The following USP34 variants were observed in gnomAD, a reference collection of about 807,000 sequenced individuals.
The protein encoded by USP34 is ubiquitin carboxyl-terminal hydrolase 34.
USP34 carries 70 observed loss-of-function variants against 460.3 expected under a neutral mutation model. That is an observed-to-expected ratio of 0.15 (90% CI 0.13 to 0.19). The LOEUF (loss-of-function observed/expected upper bound fraction) is 0.19. Among genes scored for constraint, USP34 ranks in the 10% least tolerant of loss-of-function variants. USP34 has a pLI of 1.00. For missense variants in USP34, 3,985 were observed against 4,236.2 expected (o/e 0.94, Z 1.65); for synonymous variants, 1,647 against 1,405.3 (o/e 1.17, Z -3.85).
At chr2:61,196,090 T>C (rs1343764678) in intron 75 of USP34, among the ~76,000 whole-genome samples, 2 of 130,538 alleles carry the variant, frequency 1.5e-5, no homozygotes, top group African/African-American at 5.9e-5. Flanking sequence ...TTTTTTTTTT[T>C]TTTTTTTTGA....
chr2:61,337,374 G>C (rs1477434423), intron 18 of USP34, among the ~76,000 whole-genome samples: 1 of 150,376 alleles, frequency 6.6e-6, no homozygotes, highest in African/African-American at 2.4e-5. Context: ...GTATTTCAAT[G>C]AATAGTCCAC....
intron 25 of USP34, 32 bp downstream of exon 25, chr2:61,314,553 T>C: frequency 7.2e-7 from 1 of 1,397,836 alleles, no homozygotes; most frequent in Non-Finnish European, 9.3e-7. Context: ...AAAATGAAAT[T>C]CATTCTAACA....
chr2:61,407,833 G>A (rs1693922700), intron 2 of USP34, among the ~76,000 whole-genome samples: 1 of 152,142 alleles, frequency 6.6e-6, no homozygotes, highest in African/African-American at 2.4e-5. Context: ...CCAGCACTGA[G>A]GCTGGGTGTG....
chr2:61,385,997 C>CAAAAA (rs58518474), intron 5 of USP34, among the ~76,000 whole-genome samples: 1 of 99,448 alleles, frequency 1.0e-5, no homozygotes. Context: ...ACTCTGTCTC[C>CAAAAA]AAAAAAAAAA....
At chr2:61,395,298 C>A in intron 3 of USP34, 65 bp from the exon 4 acceptor site, 1 of 963,208 alleles carries the variant, frequency 1.0e-6, no homozygotes. Flanking sequence ...AAATACAATT[C>A]TATAAAAGAC....
intron 1 of USP34, among the ~76,000 whole-genome samples, chr2:61,445,864 C>G (rs536581269): frequency 1.3e-5 from 2 of 151,784 alleles, no homozygotes; most frequent in Non-Finnish European, 2.9e-5. Flanking sequence ...AGAAGTATCG[C>G]TTGAACCTGA....
At chr2:61,303,414 T>C in intron 27 of USP34, among the ~76,000 whole-genome samples, 1 of 152,072 alleles carries the variant, frequency 6.6e-6, no homozygotes, top group East Asian at 1.9e-4. Context: ...TGATTTAGTG[T>C]CCTATTCATC....
intron 72 of USP34, among the ~76,000 whole-genome samples, chr2:61,205,500 G>A (rs555805630): frequency 6.6e-6 from 1 of 152,056 alleles, no homozygotes; most frequent in African/African-American, 2.4e-5. Context: ...ACGGTCTCTC[G>A]AGAAGTTTCT....
intron 18 of USP34, among the ~76,000 whole-genome samples, chr2:61,338,108 G>A (rs1200219455): frequency 1.3e-5 from 2 of 152,194 alleles, no homozygotes; most frequent in East Asian, 3.9e-4. Flanking sequence ...GATCACCTGA[G>A]GTGAGGAGTT....
chr2:61,188,363 G>T lies in USP34; in HGVS notation c.10380C>A (p.Thr3460=), dbSNP rs183972127. The stretch of plus-strand genomic sequence containing the variant: ...GGAACTCAGATTCTTCCTCAGCTAG[G>T]GTAGAATCCTTGGAACAGTGGAGGT... ...FKDLHCSKDS[T]LAEEESEFPS... The change falls in exon 80 of 80, where the codon ACC becomes ACA. Residue 3460 remains threonine (T), a synonymous_variant. Transcript: ENST00000398571. 1.8e-4 allele frequency: 298 copies of T among 1,613,776 alleles called. 1 individual carries two copies. Among genetic ancestry groups the T allele is most frequent in the Non-Finnish European group, 1.4e-4 (170 of 1,180,016 alleles).
intron 43 of USP34, among the ~76,000 whole-genome samples, chr2:61,262,116 AATATAT>A (rs70963406): frequency 1.1e-4 from 5 of 47,406 alleles, no homozygotes; most frequent in Admixed American, 5.8e-4. Flanking sequence ...AAAAAAAAAA[AATATAT>A]ATATATATAT....
At chr2:61,457,707 G>A (rs1695478861) in intron 1 of USP34, among the ~76,000 whole-genome samples, 1 of 152,016 alleles carries the variant, frequency 6.6e-6, no homozygotes, top group East Asian at 1.9e-4. Context: ...AAATAAATAA[G>A]CAAGCAAGTT....
At chr2:61,310,104 C>A (rs1483088077) in intron 27 of USP34, among the ~76,000 whole-genome samples, 1 of 152,174 alleles carries the variant, frequency 6.6e-6, no homozygotes, top group East Asian at 1.9e-4. Flanking sequence ...TTGGGTAGGA[C>A]ACAATACTAG....
intron 1 of USP34, among the ~76,000 whole-genome samples, chr2:61,466,361 G>A (rs1695762448): frequency 6.6e-6 from 1 of 151,814 alleles, no homozygotes; most frequent in South Asian, 2.1e-4. Flanking sequence ...GGAAGCGGAG[G>A]CTGTAGTGAC....
At chr2:61,247,371 G>C (rs1199215809) in intron 49 of USP34, among the ~76,000 whole-genome samples, 3 of 152,200 alleles carry the variant, frequency 2.0e-5, no homozygotes, top group African/African-American at 4.8e-5. Flanking sequence ...GAGGAGTGTA[G>C]ATATGCTTAT....
At chr2:61,463,718 C>T (rs1695676088) in intron 1 of USP34, among the ~76,000 whole-genome samples, 1 of 151,896 alleles carries the variant, frequency 6.6e-6, no homozygotes, top group South Asian at 2.1e-4. Flanking sequence ...CCTGTAATCC[C>T]AGCTACTCAG....
At chr2:61,320,436 C>A (rs545293053) in intron 21 of USP34, among the ~76,000 whole-genome samples, 2 of 152,310 alleles carry the variant, frequency 1.3e-5, no homozygotes, top group South Asian at 4.1e-4. Flanking sequence ...CCAGAGAAAA[C>A]CCATGCAGAC....
chr2:61,257,294 A>G lies in USP34; in HGVS notation c.5901T>C (p.Asp1967=). 1 of 1,613,210 alleles carries G rather than the reference A, an allele frequency of 6.2e-7. No homozygotes were observed. The highest frequency in any genetic ancestry group is 8.5e-7 in the Non-Finnish European group (1 of 1,179,538). ...GTTCCCCAGTATTCAGAGGCTGCTT[A>G]TCCATGGTGTATGTTTTACAGAAAG... ...PRPFCKTYTM[D]KQPLNTGEQK... The change falls in exon 45 of 80, where the codon GAT becomes GAC. Residue 1967 remains aspartate, a synonymous_variant. Coordinates refer to ENST00000398571, the MANE Select transcript of USP34 (RefSeq NM_014709.4).
Position 61,396,720 on chromosome 2 carries a change from C to T in USP34, c.553-1487G>A, listed in dbSNP as rs538192820. Among the ~76,000 whole-genome samples the T allele has an allele frequency of 7.2e-5, 11 of 152,234 alleles. 1 individual carries two copies. The East Asian group carries it at 9.7e-4, about 13-fold the overall frequency. ...AGCCAGGATGGTCTCGATCTCCTGACCTCATGATCCACCCGCCTCGGCCTC... is the reference window on the plus strand; with the variant it reads ...AGCCAGGATGGTCTCGATCTCCTGATCTCATGATCCACCCGCCTCGGCCTC... On this transcript the variant is annotated intron_variant, in intron 3 of 79. Transcript: ENST00000398571.
Sources: allele counts gnomAD v4.1 joint callset (sites outside exome capture counted in the v4.1 genomes callset), GRCh38; gene constraint gnomAD v4.1.1; transcripts MANE v1.5; gene names NCBI Gene and HGNC (gene_info 2026-07-23, HGNC 2026-07-21).